Variants in MYOF observed in about 807,000 individuals in gnomAD.
MYOF encodes the protein myoferlin, also known as fer-1-like 3, myoferlin.
In MYOF, 244 loss-of-function variants were observed where a neutral mutation model predicts 284.2. The ratio of observed to expected loss-of-function variants is 0.86; its 90% CI spans 0.77 to 0.95. The LOEUF is 0.95. MYOF is among the 40% of genes least tolerant of loss of function. The pLI is 0.00. For missense variants in MYOF, 2,496 were observed against 2,560.6 expected, an observed-to-expected ratio of 0.97 and a Z score of 0.54; for synonymous variants, 904 against 919.7, an observed-to-expected ratio of 0.98 and a Z score of 0.31.
intron 1 of MYOF, among the ~76,000 whole-genome samples, chr10:93,465,538 C>CTTTTTTTTTTTTTTTTTTTCTTTTTT (rs71031511): frequency 8.9e-6 from 1 of 112,160 alleles, no homozygotes; most frequent in East Asian, 2.4e-4. Context: ...TTTTTCTTTT[C>CTTTTTTTTTTTTTTTTTTTCTTTTTT]TTTTTTTTTT....
At chr10:93,458,794 G>T (rs1041705523) in intron 1 of MYOF, among the ~76,000 whole-genome samples, 2 of 152,206 alleles carry the variant, frequency 1.3e-5, no homozygotes, top group East Asian at 3.8e-4. Context: ...GACCCAGGCA[G>T]TCTCACATTA....
Position 93,336,021 on chromosome 10 carries a change from A to G in MYOF, c.4463T>C (p.Val1488Ala). The G allele has an allele frequency of 6.2e-7, 1 of 1,614,032 alleles. No homozygotes were observed. The highest frequency in any genetic ancestry group is 2.2e-5 in the East Asian group (1 of 44,878). ...LKIYNCELEN[V>A]AEFEGLTDFS... is the part of the protein sequence containing the mutation. ...GTCTGTCAGGCCCTCAAATTCTGCT[A>G]CATTTTCTAGTTCACAATTATATAT... Residue 1488 changes from valine to alanine, a missense_variant, in exon 41 of 54, where the codon GTA becomes GCA. By Grantham distance (64) the Val-to-Ala change is moderately conservative (BLOSUM62 0). Transcript: ENST00000359263.
intron 2 of MYOF, among the ~76,000 whole-genome samples, chr10:93,455,868 T>C (rs982054703): frequency 1.8e-4 from 28 of 152,258 alleles, no homozygotes; most frequent in African/African-American, 6.7e-4. Context: ...GGCCATCAAC[T>C]GTTAAAAAGT....
chr10:93,366,387 C>T lies in MYOF; in HGVS notation c.2753+5G>A. 1 of 1,610,372 alleles carries T rather than the reference C, an allele frequency of 6.2e-7. No homozygotes were observed. Among genetic ancestry groups the T allele is most frequent in the East Asian group, 2.2e-5 (1 of 44,844 alleles). ...TCCTTTTTACTCAGAAAATGGACAA[C>T]TTACCTTCTTTCAGGATCAACTATC... is the stretch of plus-strand genomic sequence containing the variant. On this transcript the variant is annotated splice_donor_5th_base_variant and intron_variant, in intron 26 of 53. Transcript: ENST00000359263.
intron 1 of MYOF, among the ~76,000 whole-genome samples, chr10:93,460,442 A>G (rs2056846331): frequency 6.6e-6 from 1 of 152,204 alleles, no homozygotes; most frequent in Non-Finnish European, 1.5e-5. Flanking sequence ...GAAACAGAAG[A>G]GTGTAAGATA....
chr10:93,335,918 C>T lies in MYOF; in HGVS notation c.4563+3G>A. On this transcript the variant is annotated splice_donor_region_variant and intron_variant, in intron 41 of 53. Transcript: ENST00000359263. Reference sequence around the variant, plus strand: ...AAACGGGACCAACACACATCTTACTCACCTTAAACTCTCCAACCACAGAAG... The same window carrying T: ...AAACGGGACCAACACACATCTTACTTACCTTAAACTCTCCAACCACAGAAG... 1 of 1,612,910 alleles carries T rather than the reference C, an allele frequency of 6.2e-7. No individual in the cohort carries two copies. The highest frequency in any genetic ancestry group is 8.5e-7 in the Non-Finnish European group (1 of 1,179,762).
rs376108174 is a variant in MYOF at position 93,408,841 on chromosome 10, A to T, written c.675T>A (p.Cys225Ter). ...NIRPVVKVHV[C>*]GQTHRTRIKR... ...TGATTCTTGTTCGGTGTGTCTGGCC[A>T]CAGACGTGAACTTTGACCACAGGCC... Residue 225 changes from cysteine to a stop codon, truncating the protein, a stop_gained, in exon 7 of 54, where the codon TGT becomes TGA. Coordinates refer to ENST00000359263, the MANE Select transcript of MYOF (RefSeq NM_013451.4). LOFTEE classifies it high-confidence loss of function. 5.6e-6 allele frequency: 9 copies of T among 1,614,106 alleles called. No homozygotes were observed. Among genetic ancestry groups the T allele is most frequent in the Non-Finnish European group, 6.8e-6 (8 of 1,180,056 alleles).
Position 93,426,059 on chromosome 10 carries a change from G to A in MYOF, c.433+12C>T, listed in dbSNP as rs1221364346. On this transcript the variant is annotated intron_variant, in intron 5 of 53. Coordinates refer to ENST00000359263, the MANE Select transcript of MYOF (RefSeq NM_013451.4). ...CCTGGGGGTGGCTGGGCCTTCAGAA[G>A]GGTCAGCTTACCTCCCATGCCTGGC... 3 of 1,551,724 alleles carry A rather than the reference G, an allele frequency of 1.9e-6. No individual in the cohort carries two copies. The highest frequency in any genetic ancestry group is 2.6e-6 in the Non-Finnish European group (3 of 1,147,524).
intron 4 of MYOF, among the ~76,000 whole-genome samples, chr10:93,426,884 C>CTT (rs1169014883): frequency 0.043 from 4,488 of 104,668 alleles, 240 homozygotes; most frequent in Middle Eastern, 0.062. Context: ...ACGAGACTGT[C>CTT]TTTTTTTTTT....
intron 1 of MYOF, among the ~76,000 whole-genome samples, chr10:93,468,808 G>A (rs1372117545): frequency 1.3e-5 from 2 of 152,238 alleles, no homozygotes; most frequent in African/African-American, 4.8e-5. Context: ...ATCAGAGGGA[G>A]AGCTGGGAGT....
At chr10:93,311,938 A>C (rs1842409081) in intron 51 of MYOF, among the ~76,000 whole-genome samples, 2 of 152,158 alleles carry the variant, frequency 1.3e-5, no homozygotes, top group Non-Finnish European at 2.9e-5. Flanking sequence ...GGGACCAGGG[A>C]GGGAGGGAGC....
intron 5 of MYOF, among the ~76,000 whole-genome samples, chr10:93,415,544 C>G (rs1848081519): frequency 6.6e-6 from 1 of 152,234 alleles, no homozygotes; most frequent in East Asian, 1.9e-4. Flanking sequence ...AACACCCTTT[C>G]TATCTTTCTC....
Position 93,387,891 on chromosome 10 carries a change from C to A in MYOF, c.1604G>T (p.Gly535Val). Residue 535 changes from glycine to valine, a missense_variant, in exon 19 of 54, where the codon GGC becomes GTC. Gly to Val is a moderately radical substitution (Grantham distance 109). Around this residue, in one of 3 missense-constraint regions of MYOF, gnomAD observed 2,436 missense variants for 2,480.7 expected, o/e 0.98. Coordinates refer to ENST00000359263, the MANE Select transcript of MYOF (RefSeq NM_013451.4). ...AGTGGCTAATTCAACCAAGATCCTG[C>A]CTCTGTAGGCAACTCCTTCCCCCTG... ...TGKGEGVAYRGRILVELATFL... is the reference protein window; with the variant it reads ...TGKGEGVAYRVRILVELATFL... 1 of 1,614,024 alleles carries A rather than the reference C, an allele frequency of 6.2e-7. No individual in the cohort carries two copies. Among genetic ancestry groups the A allele is most frequent in the Non-Finnish European group, 8.5e-7 (1 of 1,179,940 alleles).
At chr10:93,399,261 T>C in intron 13 of MYOF, 131 bp downstream of exon 13, 2 of 650,498 alleles carry the variant, frequency 3.1e-6, no homozygotes, top group South Asian at 4.0e-5. Flanking sequence ...AGATAATCTG[T>C]GTTCCCTCAG....
rs535618179 is a variant in MYOF at position 93,452,223 on chromosome 10, T to C, written c.145-82A>G. On this transcript the variant is annotated intron_variant, in intron 2 of 53. Coordinates refer to ENST00000359263, the MANE Select transcript of MYOF (RefSeq NM_013451.4). Reference sequence around the variant, plus strand: ...AGATTACACTAAGATGCACCAGTACTACATGTTGGGTCATTATTTTCACCA... The same window carrying C: ...AGATTACACTAAGATGCACCAGTACCACATGTTGGGTCATTATTTTCACCA... 9.2e-5 allele frequency: 77 copies of C among 834,942 alleles called. No homozygotes were observed. The South Asian group carries it at 1.1e-3, about 12-fold the overall frequency. 51.7% of individuals were successfully genotyped at this position (834,942 alleles called of 1,614,324 possible).
chr10:93,332,602 T>G (rs996778691), intron 43 of MYOF, among the ~76,000 whole-genome samples: 6 of 151,396 alleles, frequency 4.0e-5, no homozygotes, highest in Non-Finnish European at 8.8e-5. Context: ...TCCCAGCACT[T>G]TGGGAGGGCG....
chr10:93,309,388 A>C (rs2761331), intron 53 of MYOF, among the ~76,000 whole-genome samples: 63,942 of 152,020 alleles, frequency 0.42, 14,155 homozygotes, highest in East Asian at 0.78. Flanking sequence ...CTTCTAGGCA[A>C]GCTGCCAAAT....
At chr10:93,397,526 T>C (rs1847080467) in intron 13 of MYOF, 70 bp from the exon 14 acceptor site, 6 of 1,113,242 alleles carry the variant, frequency 5.4e-6, no homozygotes. Flanking sequence ...AATCTATGCA[T>C]ACTAGATTAT....
chr10:93,404,311 A>T (rs1847445946), intron 7 of MYOF, 92 bp from the exon 8 acceptor site: 1 of 1,325,882 alleles, frequency 7.5e-7, no homozygotes, highest in Admixed American at 2.0e-5. Flanking sequence ...CTCCTAAAAA[A>T]TGCAAAACAC....
Sources: gnomAD v4.1 joint callset for allele counts (sites outside exome capture counted in the v4.1 genomes callset) on GRCh38, gnomAD v4.1.1 for gene constraint, gnomAD v4.1.1 regional missense constraint, MANE v1.5 for transcripts, NCBI Gene and HGNC (gene_info 2026-07-23, HGNC 2026-07-21) for gene names.